ADGRB3: variants seen among roughly 807,000 people sequenced by gnomAD.
ADGRB3 encodes adhesion G protein-coupled receptor B3.
ADGRB3 carries 37 observed loss-of-function variants against 193.4 expected under a neutral mutation model. That is an observed-to-expected ratio of 0.19 (90% CI 0.15 to 0.25). ADGRB3 has a LOEUF of 0.25. Ranked by LOEUF, ADGRB3 falls within the 10% of genes least tolerant of loss-of-function variation. The pLI is 1.00. For synonymous variants in ADGRB3, 690 were observed against 644.2 expected, an observed-to-expected ratio of 1.07 and a Z score of -1.08; for missense variants, 1,637 against 1,852.9, an observed-to-expected ratio of 0.88 and a Z score of 2.14.
intron 20 of ADGRB3, among the ~76,000 whole-genome samples, chr6:69,304,501 A>G (rs1158022129): frequency 6.6e-6 from 1 of 151,666 alleles, no homozygotes; most frequent in African/African-American, 2.4e-5. Flanking sequence ...CATAGCTTAG[A>G]TGCTGCAATT....
At chr6:69,096,187 C>G (rs1772870331) in intron 17 of ADGRB3, among the ~76,000 whole-genome samples, 1 of 152,084 alleles carries the variant, frequency 6.6e-6, no homozygotes, top group Non-Finnish European at 1.5e-5. Context: ...TTTTAGCTTT[C>G]CTAATTTTTC....
At chr6:68,958,337 T>C (rs1482496855) in intron 8 of ADGRB3, among the ~76,000 whole-genome samples, 1 of 152,248 alleles carries the variant, frequency 6.6e-6, no homozygotes, top group Non-Finnish European at 1.5e-5. Flanking sequence ...CTTCCAGTGC[T>C]GCGTAAGAAG....
intron 3 of ADGRB3, among the ~76,000 whole-genome samples, chr6:68,676,326 G>T (rs73461967): frequency 6.7e-6 from 1 of 149,998 alleles, no homozygotes; most frequent in Non-Finnish European, 1.5e-5. Context: ...GGGAGTGGGA[G>T]GTTGCAGTGA....
At chr6:69,299,045 T>C (rs1432204588) in intron 20 of ADGRB3, among the ~76,000 whole-genome samples, 1 of 151,960 alleles carries the variant, frequency 6.6e-6, no homozygotes. Context: ...CAGCATTCAT[T>C]ATTGCCTGTC....
At chr6:68,856,483 C>A (rs1764989599) in intron 3 of ADGRB3, among the ~76,000 whole-genome samples, 1 of 152,158 alleles carries the variant, frequency 6.6e-6, no homozygotes, top group Admixed American at 6.5e-5. Context: ...TTTTTGGGAA[C>A]TGGAGCAAAG....
chr6:68,800,544 A>T (rs1437799969), intron 3 of ADGRB3, among the ~76,000 whole-genome samples: 1 of 152,126 alleles, frequency 6.6e-6, no homozygotes, highest in Non-Finnish European at 1.5e-5. Flanking sequence ...ATACTACAAA[A>T]ATATTCAGGA....
chr6:69,313,422 T>A (rs1768241336), intron 20 of ADGRB3, among the ~76,000 whole-genome samples: 1 of 151,862 alleles, frequency 6.6e-6, no homozygotes, highest in Non-Finnish European at 1.5e-5. Flanking sequence ...ATAAACAGAA[T>A]AAATAAATGT....
intron 13 of ADGRB3, among the ~76,000 whole-genome samples, chr6:69,037,386 G>A (rs754763218): frequency 9.2e-5 from 14 of 152,142 alleles, no homozygotes; most frequent in Non-Finnish European, 1.8e-4. Context: ...CATAATTGCA[G>A]AGTTAGGTAG....
intron 30 of ADGRB3, among the ~76,000 whole-genome samples, chr6:69,379,368 T>C (rs1769898070): frequency 6.6e-6 from 1 of 151,888 alleles, no homozygotes; most frequent in Non-Finnish European, 1.5e-5. Flanking sequence ...CTAATGTCAC[T>C]AAACATAAAA....
At chr6:69,377,548 C>T (rs1305426897) in intron 30 of ADGRB3, among the ~76,000 whole-genome samples, 2 of 151,976 alleles carry the variant, frequency 1.3e-5, no homozygotes, top group African/African-American at 2.4e-5. Flanking sequence ...TCATCTTAGC[C>T]GATATGGGCA....
chr6:68,976,557 G>A (rs781274471), intron 10 of ADGRB3, among the ~76,000 whole-genome samples: 2 of 151,972 alleles, frequency 1.3e-5, no homozygotes, highest in Admixed American at 6.6e-5. Flanking sequence ...AAGGCTCACC[G>A]ATAACAAAAA....
At chr6:68,988,131 G>A (rs1273158555) in intron 10 of ADGRB3, among the ~76,000 whole-genome samples, 3 of 152,184 alleles carry the variant, frequency 2.0e-5, no homozygotes, top group Middle Eastern at 3.4e-3. Flanking sequence ...GTGTCACATA[G>A]CGTTTTAGAG....
intron 20 of ADGRB3, among the ~76,000 whole-genome samples, chr6:69,251,616 G>T (rs189208220): frequency 2.3e-4 from 35 of 152,162 alleles, no homozygotes; most frequent in Middle Eastern, 6.8e-3. Context: ...ACAGTATCTG[G>T]CACACAATAT....
intron 13 of ADGRB3, among the ~76,000 whole-genome samples, chr6:69,032,538 C>T (rs564470005): frequency 6.6e-6 from 1 of 152,182 alleles, no homozygotes; most frequent in Non-Finnish European, 1.5e-5. Flanking sequence ...AACAATAACC[C>T]GTGAAGAGAA....
intron 17 of ADGRB3, among the ~76,000 whole-genome samples, chr6:69,195,879 C>T (rs756210861): frequency 6.6e-6 from 1 of 152,044 alleles, no homozygotes; most frequent in Admixed American, 6.6e-5. Context: ...ATAGCAAGGC[C>T]TTATTTATCT....
At chr6:69,262,288 A>G (rs930225341) in intron 20 of ADGRB3, among the ~76,000 whole-genome samples, 1 of 152,036 alleles carries the variant, frequency 6.6e-6, no homozygotes, top group Non-Finnish European at 1.5e-5. Context: ...TTCTAAACAT[A>G]TTTCAATTTT....
intron 17 of ADGRB3, among the ~76,000 whole-genome samples, chr6:69,089,243 C>A (rs1218255656): frequency 6.6e-6 from 1 of 152,104 alleles, no homozygotes; most frequent in Non-Finnish European, 1.5e-5. Context: ...TCAGTTCAAA[C>A]TATAATTAAA....
intron 31 of ADGRB3, among the ~76,000 whole-genome samples, chr6:69,383,559 G>C (rs978719899): frequency 2.0e-5 from 3 of 151,886 alleles, no homozygotes; most frequent in Non-Finnish European, 4.4e-5. Flanking sequence ...GTAATTATAA[G>C]AGCACTAGAC....
At chr6:68,901,662 A>T (rs1239981663) in intron 3 of ADGRB3, among the ~76,000 whole-genome samples, 1 of 152,216 alleles carries the variant, frequency 6.6e-6, no homozygotes, top group African/African-American at 2.4e-5. Flanking sequence ...AGAAACAGTA[A>T]GGAAAAAAGT....
Sources: gnomAD v4.1 joint callset for allele counts (sites outside exome capture counted in the v4.1 genomes callset) on GRCh38, gnomAD v4.1.1 for gene constraint, MANE v1.5 for transcripts, NCBI Gene and HGNC (gene_info 2026-07-23, HGNC 2026-07-21) for gene names.